Variants in PTPRD observed in about 807,000 individuals in gnomAD.
The protein encoded by PTPRD is receptor-type tyrosine-protein phosphatase delta.
In PTPRD, 34 loss-of-function variants were observed where a neutral mutation model predicts 214.5. The ratio of observed to expected loss-of-function variants is 0.16; its 90% CI spans 0.12 to 0.21. The LOEUF (loss-of-function observed/expected upper bound fraction) is 0.21, where lower values mean the gene tolerates loss of function less well. Ranked by LOEUF, PTPRD falls within the 10% of genes least tolerant of loss-of-function variation. PTPRD has a pLI of 1.00. For synonymous variants in PTPRD, 1,128 were observed against 845.7 expected (o/e 1.33, Z -5.79); for missense variants, 2,545 against 2,398.7 (o/e 1.06, Z -1.27).
At chr9:10,568,921 T>C (rs2066536261) in intron 2 of PTPRD, among the ~76,000 whole-genome samples, 1 of 151,876 alleles carries the variant, frequency 6.6e-6, no homozygotes, top group Admixed American at 6.6e-5. Context: ...AATTGACAAA[T>C]GGGATCTAAT....
At chr9:9,753,280 G>C (rs2098539362) in intron 6 of PTPRD, among the ~76,000 whole-genome samples, 1 of 151,864 alleles carries the variant, frequency 6.6e-6, no homozygotes, top group Admixed American at 6.6e-5. Context: ...GAACCAAAAC[G>C]TTTCAAAAAA....
chr9:10,044,510 G>A (rs148760816), intron 3 of PTPRD, among the ~76,000 whole-genome samples: 19 of 151,820 alleles, frequency 1.3e-4, no homozygotes, highest in Middle Eastern at 3.4e-3. Flanking sequence ...CTGAACAAAT[G>A]TACAAAGTAG....
intron 7 of PTPRD, among the ~76,000 whole-genome samples, chr9:9,683,361 G>A (rs2097110354): frequency 6.6e-6 from 1 of 151,718 alleles, no homozygotes; most frequent in Admixed American, 6.6e-5. Context: ...AACTTTGTCA[G>A]CTGAACAGTA....
chr9:9,931,747 C>A (rs1341118368), intron 5 of PTPRD, among the ~76,000 whole-genome samples: 3 of 151,884 alleles, frequency 2.0e-5, no homozygotes, highest in South Asian at 4.2e-4. Flanking sequence ...GGCCTGCCTA[C>A]CTCTGTAGGC....
At chr9:10,125,732 T>C (rs141519192) in intron 3 of PTPRD, among the ~76,000 whole-genome samples, 2,493 of 151,770 alleles carry the variant, frequency 0.016, 69 homozygotes, top group African/African-American at 0.057. Context: ...TCCGCTCGCC[T>C]CAGCCTCCCA....
chr9:8,722,131 G>C (rs1277765135), intron 12 of PTPRD, among the ~76,000 whole-genome samples: 2 of 119,340 alleles, frequency 1.7e-5, no homozygotes, highest in Admixed American at 7.5e-5. Flanking sequence ...CTCTGTGTGT[G>C]TGTGTGTGTG....
intron 3 of PTPRD, among the ~76,000 whole-genome samples, chr9:10,056,602 C>T (rs1216483746): frequency 6.6e-6 from 1 of 152,136 alleles, no homozygotes; most frequent in African/African-American, 2.4e-5. Flanking sequence ...ACCATAGGAA[C>T]AATATCCATC....
At chr9:9,676,432 C>G (rs1333819870) in intron 7 of PTPRD, among the ~76,000 whole-genome samples, 1 of 151,910 alleles carries the variant, frequency 6.6e-6, no homozygotes, top group Non-Finnish European at 1.5e-5. Context: ...CAGCTTCATC[C>G]ATGTCCCTAC....
chr9:9,975,570 C>G (rs564452473), intron 4 of PTPRD, among the ~76,000 whole-genome samples: 1 of 152,190 alleles, frequency 6.6e-6, no homozygotes, highest in African/African-American at 2.4e-5. Flanking sequence ...CTTCGTGAAA[C>G]AGAGTACGTA....
At chr9:10,577,040 T>C (rs560302278) in intron 2 of PTPRD, among the ~76,000 whole-genome samples, 43 of 152,200 alleles carry the variant, frequency 2.8e-4, no homozygotes, top group Non-Finnish European at 5.3e-4. Context: ...AAATTGTTCT[T>C]TAAAATGTCA....
At chr9:8,761,944 C>T (rs1459363025) in intron 11 of PTPRD, among the ~76,000 whole-genome samples, 1 of 152,088 alleles carries the variant, frequency 6.6e-6, no homozygotes, top group Non-Finnish European at 1.5e-5. Flanking sequence ...CCCTAAGGCA[C>T]CATTATTAAC....
At chr9:8,912,377 G>T (rs1405724566) in intron 11 of PTPRD, among the ~76,000 whole-genome samples, 1 of 152,162 alleles carries the variant, frequency 6.6e-6, no homozygotes, top group Non-Finnish European at 1.5e-5. Flanking sequence ...TCAGAAACAT[G>T]AGAAGTGAAA....
chr9:9,624,131 TATTCCGAGTA>T (rs1329834927), intron 7 of PTPRD, among the ~76,000 whole-genome samples: 1 of 152,196 alleles, frequency 6.6e-6, no homozygotes, highest in Non-Finnish European at 1.5e-5. Context: ...TGAAAATACT[TATTCCGAGTA>T]GTGGATAAAG....
chr9:8,352,053 GA>G (rs530762929), intron 39 of PTPRD, among the ~76,000 whole-genome samples: 10 of 136,588 alleles, frequency 7.3e-5, no homozygotes, highest in South Asian at 4.7e-4. Flanking sequence ...TCTCGAGAAA[GA>G]AAAAAAAAAT....
chr9:10,113,948 T>C (rs569191009), intron 3 of PTPRD, among the ~76,000 whole-genome samples: 2 of 152,198 alleles, frequency 1.3e-5, no homozygotes, highest in African/African-American at 2.4e-5. Context: ...AATCCTAGAA[T>C]GTTTGTAAAA....
chr9:10,197,785 G>A (rs1293838390), intron 3 of PTPRD, among the ~76,000 whole-genome samples: 1 of 152,058 alleles, frequency 6.6e-6, no homozygotes, highest in African/African-American at 2.4e-5. Context: ...GTAGGCCATG[G>A]GAGGGATGGG....
At chr9:8,325,983 G>C (rs1169375905) in intron 44 of PTPRD, among the ~76,000 whole-genome samples, 1 of 152,150 alleles carries the variant, frequency 6.6e-6, no homozygotes, top group Non-Finnish European at 1.5e-5. Flanking sequence ...AGATGATGGG[G>C]TTTTCTAAAT....
chr9:10,516,844 T>C (rs2050287322), intron 2 of PTPRD, among the ~76,000 whole-genome samples: 1 of 152,094 alleles, frequency 6.6e-6, no homozygotes, highest in Admixed American at 6.5e-5. Flanking sequence ...TTTTCCAATC[T>C]TGTATGCTTG....
intron 33 of PTPRD, among the ~76,000 whole-genome samples, chr9:8,456,620 G>A (rs1003783054): frequency 2.6e-5 from 4 of 152,088 alleles, no homozygotes; most frequent in Non-Finnish European, 5.9e-5. Context: ...ACTGTATGGA[G>A]GGTTGATACA....
Sources: gnomAD v4.1 joint callset for allele counts (sites outside exome capture counted in the v4.1 genomes callset) on GRCh38, gnomAD v4.1.1 for gene constraint, MANE v1.5 for transcripts, NCBI Gene and HGNC (gene_info 2026-07-23, HGNC 2026-07-21) for gene names.